The following FLYWCH1 variants were observed in gnomAD, a reference collection of about 807,000 sequenced individuals.
FLYWCH1 encodes the protein FLYWCH-type zinc finger-containing protein 1.
Under a neutral mutation model 66.4 loss-of-function variants are expected in FLYWCH1, and 75 were observed. The observed-to-expected ratio is 1.13, with a 90% confidence interval of 0.94 to 1.37. FLYWCH1 has a LOEUF of 1.37. Ranked by LOEUF, FLYWCH1 falls within the 40% of genes most tolerant of loss-of-function variation. FLYWCH1 has a pLI of 0.00. For synonymous variants in FLYWCH1, 595 were observed against 429.9 expected, an observed-to-expected ratio of 1.38 and a Z score of -4.75; for missense variants, 1,334 against 1,001.8, an observed-to-expected ratio of 1.33 and a Z score of -4.48.
chr16:2,933,482 C>G lies in FLYWCH1; in HGVS notation c.1149C>G (p.Leu383=), dbSNP rs2074362. The change falls in exon 5 of 10, where the codon CTC becomes CTG. Residue 383 remains leucine (L), a synonymous_variant. Coordinates refer to ENST00000253928, the MANE Select transcript of FLYWCH1 (RefSeq NM_001308068.2). ...GCAGGGGTCCGGGTCCCCTGACTCT[C>G]ACCAGGCCTCGGCCCAGAAAGCGAG... ...LYRRGPGPLT[L]TRPRPRKRAK... The G allele has an allele frequency of 0.17, 279,100 of 1,604,896 alleles. 31,544 individuals are homozygous for G. The highest frequency in any genetic ancestry group is 0.45 in the East Asian group (20,217 of 44,458).
Position 2,933,895 on chromosome 16 carries a change from C to G in FLYWCH1, c.1429C>G (p.His477Asp), listed in dbSNP as rs1345667134. 6.3e-7 allele frequency: 1 copy of G among 1,586,232 alleles called. No homozygotes were observed. The highest frequency in any genetic ancestry group is 1.3e-5 in the African/African-American group (1 of 74,308). The change falls in exon 6 of 10, where the codon CAC becomes GAC. Residue 477 changes from histidine to aspartate, a missense_variant. Physicochemically the swap from His to Asp is moderately conservative, Grantham distance 81. Coordinates refer to ENST00000253928, the MANE Select transcript of FLYWCH1 (RefSeq NM_001308068.2). ...QGRRVTVMRG[H>D]CHPPDLGGLE... is the part of the protein sequence containing the mutation. The stretch of plus-strand genomic sequence containing the variant: ...CCGACGGGTGACTGTCATGCGTGGT[C>G]ACTGCCACCCGCCCGACCTGGGAGG...
chr16:2,936,629 AC>A (rs1456139821), intron 6 of FLYWCH1: 4 of 456,894 alleles, frequency 8.8e-6, no homozygotes, highest in Non-Finnish European at 1.8e-5. Flanking sequence ...CCTCCCTCTC[AC>A]CACATCCAGG....
At chr16:2,932,424 C>A (rs1207604179) in intron 4 of FLYWCH1, among the ~76,000 whole-genome samples, 2 of 151,972 alleles carry the variant, frequency 1.3e-5, no homozygotes, top group Non-Finnish European at 2.9e-5. Flanking sequence ...CCTAAGGTGG[C>A]TGTGATAACC....
intron 8 of FLYWCH1, 56 bp downstream of exon 8, chr16:2,938,512 C>T (rs1350100093): frequency 1.8e-5 from 26 of 1,467,336 alleles, no homozygotes; most frequent in Non-Finnish European, 2.3e-5. Context: ...TCTCTTCCAG[C>T]TCAGAACTGA....
At chr16:2,935,047 C>CT (rs2070941295) in intron 6 of FLYWCH1, 1 of 154,402 alleles carries the variant, frequency 6.5e-6, no homozygotes, top group Non-Finnish European at 1.4e-5. Context: ...CCTCAGCCTC[C>CT]TGAGTAGCTG....
chr16:2,945,741 T>G (rs1223841738), intron 9 of FLYWCH1, among the ~76,000 whole-genome samples: 1 of 151,992 alleles, frequency 6.6e-6, no homozygotes, highest in Non-Finnish European at 1.5e-5. Flanking sequence ...CTCATGCCTG[T>G]AATCCCAGCA....
In FLYWCH1 at chr16:2,933,424, C is replaced by T. The variant is rs768508975; in HGVS notation, c.1091C>T (p.Thr364Met). The change falls in exon 5 of 10, where the codon ACG (threonine) becomes ATG (methionine). Residue 364 changes from threonine to methionine, a missense_variant. By Grantham distance (81) the Thr-to-Met change is moderately conservative. Coordinates refer to ENST00000253928, the MANE Select transcript of FLYWCH1 (RefSeq NM_001308068.2). ...GACGGCCCTGGGAGCCAAGTGGACACGCTGCTCCGAGGCGTGGATAGTTTG... is the reference window on the plus strand; with the variant it reads ...GACGGCCCTGGGAGCCAAGTGGACATGCTGCTCCGAGGCGTGGATAGTTTG... ...GQDGPGSQVDTLLRGVDSLLY... is the reference protein window; with the variant it reads ...GQDGPGSQVDMLLRGVDSLLY... 7.3e-5 allele frequency: 117 copies of T among 1,601,082 alleles called. No individual in the cohort carries two copies. The highest frequency in any genetic ancestry group is 1.7e-4 in the Middle Eastern group (1 of 6,008).
chr16:2,922,687 C>T, intron 2 of FLYWCH1: 1 of 472,218 alleles, frequency 2.1e-6, no homozygotes, highest in Non-Finnish European at 4.2e-6. Flanking sequence ...TTGGCCACAC[C>T]CAAAGCATCC....
At chr16:2,934,073 C>A in intron 6 of FLYWCH1, 94 bp downstream of exon 6, 1 of 1,366,434 alleles carries the variant, frequency 7.3e-7, no homozygotes, top group Non-Finnish European at 9.7e-7. Flanking sequence ...CCCTGGCAAA[C>A]GTCCTCTTCC....
intron 7 of FLYWCH1, 82 bp downstream of exon 7, chr16:2,937,466 GGTGTTGT>G (rs1167850009): frequency 7.0e-6 from 10 of 1,418,662 alleles, no homozygotes; most frequent in African/African-American, 1.8e-5. Context: ...CTGCCCGTGG[GGTGTTGT>G]GTGTTGTGCA....
At chr16:2,932,340 C>G (rs12709142) in intron 4 of FLYWCH1, among the ~76,000 whole-genome samples, 1 of 147,704 alleles carries the variant, frequency 6.8e-6, no homozygotes, top group Non-Finnish European at 1.5e-5. Context: ...CTAGGTTCAA[C>G]TTTCAGCCCT....
chr16:2,947,233 G>A (rs544669793), intron 9 of FLYWCH1, among the ~76,000 whole-genome samples: 3 of 152,248 alleles, frequency 2.0e-5, no homozygotes, highest in African/African-American at 7.2e-5. Context: ...AGCACACAGA[G>A]TGTATGTAAT....
At chr16:2,923,275 T>G in intron 2 of FLYWCH1, 1 of 257,224 alleles carries the variant, frequency 3.9e-6, no homozygotes, top group Non-Finnish European at 7.6e-6. Context: ...TGAAATGGAG[T>G]CTCGCTCTGT....
intron 9 of FLYWCH1, among the ~76,000 whole-genome samples, chr16:2,941,071 C>T (rs2071243368): frequency 6.6e-6 from 1 of 152,144 alleles, no homozygotes; most frequent in South Asian, 2.1e-4. Context: ...TGCACTCCAG[C>T]CTAGGTGACA....
intron 2 of FLYWCH1, among the ~76,000 whole-genome samples, chr16:2,919,209 A>G (rs911330100): frequency 6.6e-6 from 1 of 150,678 alleles, no homozygotes; most frequent in African/African-American, 2.4e-5. Context: ...GTGAGCCACC[A>G]CACCCAGCTG....
chr16:2,920,465 G>A lies in FLYWCH1; in HGVS notation c.-74+6176G>A, dbSNP rs573730401. On this transcript the variant is annotated intron_variant, in intron 2 of 9. Transcript: ENST00000253928. The stretch of plus-strand genomic sequence containing the variant: ...GGAGGCGGAGGTTGCAGTGAGCTAA[G>A]ATTACGCCATTGCACTCCAGCCTGG... 8.6e-5 allele frequency among the ~76,000 whole-genome samples: 13 copies of A among 150,540 alleles called. No individual in the cohort carries two copies. In the South Asian group the frequency reaches 2.7e-3, roughly 32 times the overall value.
At chr16:2,938,706 G>A (rs542950232) in intron 8 of FLYWCH1, among the ~76,000 whole-genome samples, 31 of 91,300 alleles carry the variant, frequency 3.4e-4, no homozygotes, top group Non-Finnish European at 6.2e-4. Flanking sequence ...TCCGCCTCCC[G>A]GGTTCACACC....
rs2071588171 is a variant in FLYWCH1 at position 2,948,762 on chromosome 16, C to T, written c.*35C>T. The T allele has an allele frequency of 5.6e-6, 9 of 1,609,792 alleles. No individual in the cohort carries two copies. The highest frequency in any genetic ancestry group is 7.7e-6 in the Non-Finnish European group (9 of 1,176,334). On this transcript the variant is annotated 3_prime_UTR_variant, in exon 10 of 10. Coordinates refer to ENST00000253928, the MANE Select transcript of FLYWCH1 (RefSeq NM_001308068.2). ...GGCAGAGGAGCTCCGAGCCGCCCAC[C>T]CAAGGTGGCTTCACATCCACACAGG... is the stretch of plus-strand genomic sequence containing the variant.
chr16:2,934,099 T>C (rs1383520041), intron 6 of FLYWCH1, 120 bp downstream of exon 6: 15 of 1,225,522 alleles, frequency 1.2e-5, no homozygotes, highest in Non-Finnish European at 1.7e-5. Flanking sequence ...TTGAACATCC[T>C]AGAAGGAACT....
Sources: gnomAD v4.1 joint callset for allele counts (sites outside exome capture counted in the v4.1 genomes callset) on GRCh38, gnomAD v4.1.1 for gene constraint, MANE v1.5 for transcripts, NCBI Gene and HGNC (gene_info 2026-07-23, HGNC 2026-07-21) for gene names.